RNF17: variants seen among roughly 807,000 people sequenced by gnomAD.
The protein encoded by RNF17 is ring finger protein 17.
Under a neutral mutation model 200.5 loss-of-function variants are expected in RNF17, and 31 were observed. The observed-to-expected ratio is 0.15, with a 90% CI of 0.12 to 0.21. The LOEUF is 0.21. Ranked by LOEUF, RNF17 falls within the 10% of genes least tolerant of loss-of-function variation. RNF17 has a pLI of 1.00. For missense variants in RNF17, 1,628 were observed against 1,905.1 expected (o/e 0.85, Z 2.71); for synonymous variants, 606 against 637.8 (o/e 0.95, Z 0.75).
In RNF17 at chr13:24,803,363, C is replaced by T. The variant is rs573592080; in HGVS notation, c.1949+792C>T. Among the ~76,000 whole-genome samples the T allele has an allele frequency of 6.6e-5, 10 of 152,264 alleles. No homozygotes were observed. In the South Asian group the frequency reaches 1.9e-3, roughly 28 times the overall value. On this transcript the variant is annotated intron_variant, in intron 14 of 35. Coordinates refer to ENST00000255324, the MANE Select transcript of RNF17 (RefSeq NM_031277.3). ...CCCAGGCTAGAGTGCAGTAGCACAG[C>T]CTCAGCTCATTGAAACCTCTGCCTC...
At chr13:24,788,523 A>G (rs1218861455) in intron 7 of RNF17, among the ~76,000 whole-genome samples, 1 of 152,134 alleles carries the variant, frequency 6.6e-6, no homozygotes, top group Non-Finnish European at 1.5e-5. Context: ...CAAACTGAAT[A>G]GGACTCTATT....
In RNF17 at chr13:24,857,656, C is replaced by CT. The variant is rs539862724; in HGVS notation, c.3611-1343dup. On this transcript the variant is annotated intron_variant, in intron 25 of 35. Transcript: ENST00000255324. Reference sequence around the variant, plus strand: ...GTGGCTTACGCCTGTAATCTCAGCACTTCAGGTCAAGGCAGGAAGATTGCT... The same window carrying CT: ...GTGGCTTACGCCTGTAATCTCAGCACTTTCAGGTCAAGGCAGGAAGATTGCT... Among the ~76,000 whole-genome samples, 3 of 152,294 alleles carry CT rather than the reference C, an allele frequency of 2.0e-5. No homozygotes were observed. The South Asian group carries it at 6.2e-4, about 32-fold the overall frequency.
the RNF17 span, among the ~76,000 whole-genome samples, chr13:24,886,968 G>C: frequency 6.6e-6 from 1 of 152,120 alleles, no homozygotes; most frequent in African/African-American, 2.4e-5. Flanking sequence ...GGCATAGACA[G>C]GCTCCAGGTG....
At chr13:24,831,508 T>G (rs981206535) in intron 17 of RNF17, among the ~76,000 whole-genome samples, 4 of 152,240 alleles carry the variant, frequency 2.6e-5, no homozygotes, top group Non-Finnish European at 5.9e-5. Flanking sequence ...TTTTGATATC[T>G]GTACTTCCAG....
At chr13:24,859,844 A>C (rs1892918475) in intron 26 of RNF17, among the ~76,000 whole-genome samples, 1 of 152,030 alleles carries the variant, frequency 6.6e-6, no homozygotes, top group Non-Finnish European at 1.5e-5. Context: ...AGCTTCCTTC[A>C]CATATATGCA....
chr13:24,860,564 C>A (rs1892989022), intron 26 of RNF17, among the ~76,000 whole-genome samples: 1 of 151,884 alleles, frequency 6.6e-6, no homozygotes, highest in Non-Finnish European at 1.5e-5. Flanking sequence ...ATGGTAATTG[C>A]CAAGCAAATC....
chr13:24,881,631 G>GAT (rs1953820910), downstream of RNF17, among the ~76,000 whole-genome samples: 2 of 150,554 alleles, frequency 1.3e-5, no homozygotes, highest in Non-Finnish European at 3.0e-5. Context: ...CTATAATCTA[G>GAT]AGATATATCT....
chr13:24,829,994 CT>C, intron 16 of RNF17, among the ~76,000 whole-genome samples: 1 of 152,204 alleles, frequency 6.6e-6, no homozygotes. Context: ...GTACCTTGTG[CT>C]TTTTAAATAG....
At chr13:24,844,276 A>G (rs749312657) in intron 20 of RNF17, among the ~76,000 whole-genome samples, 16 of 152,294 alleles carry the variant, frequency 1.1e-4, no homozygotes, top group Non-Finnish European at 2.4e-4. Context: ...AAACTCTAGT[A>G]GAGGGAGAGA....
chr13:24,884,540 A>G (rs1212804403), downstream of RNF17: 1 of 1,439,794 alleles, frequency 6.9e-7, no homozygotes, highest in Non-Finnish European at 9.8e-7. Flanking sequence ...CCAACTGCCT[A>G]CTTTGAAATT....
At chr13:24,832,039 C>G in intron 18 of RNF17, 61 bp downstream of exon 18, 3 of 1,187,728 alleles carry the variant, frequency 2.5e-6, no homozygotes, top group Non-Finnish European at 3.5e-6. Flanking sequence ...ATATGAATAA[C>G]ATTTGTCAAA....
upstream of RNF17, among the ~76,000 whole-genome samples, chr13:24,763,920 G>C (rs17081121): frequency 0.16 from 23,876 of 152,200 alleles, 1,924 homozygotes; most frequent in Non-Finnish European, 0.18. Context: ...AATAATATGC[G>C]AAATTTTAAT....
chr13:24,817,309 G>T (rs1193923593), intron 15 of RNF17, among the ~76,000 whole-genome samples: 2 of 152,004 alleles, frequency 1.3e-5, no homozygotes, highest in Non-Finnish European at 2.9e-5. Context: ...AAGTCTACTC[G>T]GATTTTCTGA....
chr13:24,843,396 T>G (rs1267145515), intron 19 of RNF17, among the ~76,000 whole-genome samples: 1 of 152,066 alleles, frequency 6.6e-6, no homozygotes, highest in African/African-American at 2.4e-5. Flanking sequence ...CAGGTGCCTA[T>G]AATCCCAGCT....
At chr13:24,829,387 A>G (rs533369206) in intron 16 of RNF17, among the ~76,000 whole-genome samples, 1 of 152,332 alleles carries the variant, frequency 6.6e-6, no homozygotes, top group African/African-American at 2.4e-5. Context: ...TTCCATATCC[A>G]TCTATTTGTT....
At chr13:24,767,880 A>C (rs1251068232) in intron 2 of RNF17, among the ~76,000 whole-genome samples, 1 of 152,196 alleles carries the variant, frequency 6.6e-6, no homozygotes, top group Non-Finnish European at 1.5e-5. Context: ...AAAAGGCGCT[A>C]AAGTCATACA....
chr13:24,809,008 G>T (rs1886247529), intron 15 of RNF17, among the ~76,000 whole-genome samples: 1 of 152,072 alleles, frequency 6.6e-6, no homozygotes, highest in Non-Finnish European at 1.5e-5. Context: ...CTTAATCATG[G>T]TGGGTAAGCT....
chr13:24,874,323 G>T, intron 33 of RNF17, 74 bp downstream of exon 33: 2 of 1,322,512 alleles, frequency 1.5e-6, no homozygotes, highest in East Asian at 2.6e-5. Context: ...GAATATTTTT[G>T]CCTCTTTTAA....
chr13:24,764,556 C>T (rs1220148617), intron 1 of RNF17, among the ~76,000 whole-genome samples: 3 of 152,240 alleles, frequency 2.0e-5, no homozygotes, highest in Non-Finnish European at 2.9e-5. Context: ...TCCAATTACC[C>T]ATCCAGGCCT....
Sources: allele counts gnomAD v4.1 joint callset (sites outside exome capture counted in the v4.1 genomes callset), GRCh38; gene constraint gnomAD v4.1.1; transcripts MANE v1.5; gene names NCBI Gene and HGNC (gene_info 2026-07-23, HGNC 2026-07-21).